Variants in DIPK1A observed in about 807,000 individuals in gnomAD.
DIPK1A encodes the protein divergent protein kinase domain 1A.
Under a neutral mutation model 40.8 loss-of-function variants are expected in DIPK1A, and 27 were observed. The ratio of observed to expected loss-of-function variants is 0.66; its 90% confidence interval spans 0.49 to 0.91. DIPK1A has a LOEUF of 0.91. Among genes scored for constraint, DIPK1A ranks in the 40% least tolerant of loss-of-function variants. The pLI is 0.00. For synonymous variants in DIPK1A, 166 were observed against 171.3 expected (o/e 0.97, Z 0.24); for missense variants, 412 against 505.7 (o/e 0.81, Z 1.78).
downstream of DIPK1A, among the ~76,000 whole-genome samples, chr1:92,838,369 C>G (rs978307299): frequency 2.6e-5 from 4 of 152,138 alleles, no homozygotes; most frequent in Non-Finnish European, 4.4e-5. Context: ...TGACTTCATC[C>G]TGGTAAAGAG....
chr1:92,903,622 C>A (rs1260060679), intron 1 of DIPK1A, among the ~76,000 whole-genome samples: 2 of 152,132 alleles, frequency 1.3e-5, no homozygotes, highest in African/African-American at 4.8e-5. Context: ...AAATGTATGT[C>A]AAAGTGATTA....
intron 1 of DIPK1A, among the ~76,000 whole-genome samples, chr1:92,917,936 C>T (rs781080254): frequency 6.6e-5 from 10 of 151,980 alleles, no homozygotes; most frequent in Non-Finnish European, 1.0e-4. Flanking sequence ...AAACAATAAA[C>T]AATCTGTTTT....
chr1:92,898,614 A>G (rs1266855711), intron 1 of DIPK1A, among the ~76,000 whole-genome samples: 1 of 152,186 alleles, frequency 6.6e-6, no homozygotes, highest in African/African-American at 2.4e-5. Flanking sequence ...AGCTGGGACT[A>G]TAGGTGTGAA....
chr1:92,848,459 G>C (rs1340870400), intron 3 of DIPK1A, among the ~76,000 whole-genome samples: 1 of 152,132 alleles, frequency 6.6e-6, no homozygotes, highest in Non-Finnish European at 1.5e-5. Context: ...TTCCTGACCT[G>C]CTTCACTTGC....
chr1:92,881,065 C>T (rs1359135978), intron 1 of DIPK1A, among the ~76,000 whole-genome samples: 6 of 122,742 alleles, frequency 4.9e-5, no homozygotes, highest in Middle Eastern at 0.014. Flanking sequence ...CACAGCTACT[C>T]GGGAGGCTGA....
intron 1 of DIPK1A, among the ~76,000 whole-genome samples, chr1:92,924,533 CA>C (rs1650409417): frequency 6.6e-6 from 1 of 152,092 alleles, no homozygotes; most frequent in Non-Finnish European, 1.5e-5. Context: ...AAGAAGGAGT[CA>C]GGGGGCACCT....
chr1:92,939,451 A>G (rs1456526801), intron 1 of DIPK1A, among the ~76,000 whole-genome samples: 1 of 152,200 alleles, frequency 6.6e-6, no homozygotes, highest in Non-Finnish European at 1.5e-5. Context: ...TAGAGCAGTC[A>G]GCAGTATTTT....
intron 1 of DIPK1A, among the ~76,000 whole-genome samples, chr1:92,905,404 T>C (rs950832748): frequency 3.9e-5 from 6 of 152,166 alleles, no homozygotes; most frequent in African/African-American, 1.4e-4. Flanking sequence ...CCTTTTCATA[T>C]ACCTGATTGC....
intron 1 of DIPK1A, among the ~76,000 whole-genome samples, chr1:92,924,942 T>C (rs974563775): frequency 5.9e-5 from 9 of 152,214 alleles, no homozygotes; most frequent in Non-Finnish European, 1.2e-4. Flanking sequence ...TTAGCTGAAG[T>C]CATGTTGTAG....
intron 2 of DIPK1A, among the ~76,000 whole-genome samples, chr1:92,855,353 C>T (rs1468317969): frequency 6.6e-6 from 1 of 151,840 alleles, no homozygotes; most frequent in East Asian, 1.9e-4. Flanking sequence ...TAAATAATCG[C>T]TCAACTAAAG....
At chr1:92,851,697 G>GA (rs1261452155) in intron 2 of DIPK1A, among the ~76,000 whole-genome samples, 1 of 152,018 alleles carries the variant, frequency 6.6e-6, no homozygotes, top group Non-Finnish European at 1.5e-5. Context: ...TGGTACCAAT[G>GA]AAACCCTAGG....
In DIPK1A at chr1:92,844,586, A is replaced by G. The variant is rs559431187; in HGVS notation, c.475-391T>C. ...TTACATCAAAGTTACAATAAGGGTC[A>G]ACTAAAAATTATTTTCCTTTTTTTA... On this transcript the variant is annotated intron_variant, in intron 4 of 4. Transcript: ENST00000370310. Among the ~76,000 whole-genome samples the G allele has an allele frequency of 4.6e-5, 7 of 152,316 alleles. No homozygotes were observed. In the East Asian group the frequency reaches 9.6e-4, roughly 21 times the overall value.
rs1687422458 is a variant in DIPK1A, at chr1:92,842,646, A to C, written c.*737T>G. On this transcript the variant is annotated 3_prime_UTR_variant, in exon 5 of 5. Coordinates refer to ENST00000370310, the MANE Select transcript of DIPK1A (RefSeq NM_001006605.5). The stretch of plus-strand genomic sequence containing the variant: ...CTTTCACATAGTTCAAAATCAGGAT[A>C]TGTGGATCTTGATTGGGCCTTAAGA... 5.1e-6 allele frequency: 5 copies of C among 985,172 alleles called. No homozygotes were observed. In the African/African-American group the frequency reaches 7.0e-5, roughly 14 times the overall value. The allele number at this position is 985,172 out of a possible 1,614,324, so 61.0% of individuals were successfully genotyped here.
intron 1 of DIPK1A, among the ~76,000 whole-genome samples, chr1:92,918,788 T>C (rs992089848): frequency 6.6e-6 from 1 of 151,996 alleles, no homozygotes; most frequent in Non-Finnish European, 1.5e-5. Context: ...GGAGTGCGGG[T>C]GAGGTGGGGA....
chr1:92,933,257 A>T (rs963904423), intron 1 of DIPK1A: 5 of 152,220 alleles, frequency 3.3e-5, no homozygotes, highest in Non-Finnish European at 1.5e-5. Flanking sequence ...AAAAATCAAC[A>T]GAACTAAAAC....
chr1:92,862,953 C>T (rs552554778), intron 2 of DIPK1A, among the ~76,000 whole-genome samples: 11 of 152,244 alleles, frequency 7.2e-5, no homozygotes, highest in Admixed American at 1.3e-4. Context: ...ATTAGGGTTG[C>T]CGAGCAAAAT....
chr1:92,835,890 G>GT (rs1687104654), intron 4 of DIPK1A, among the ~76,000 whole-genome samples: 2 of 152,172 alleles, frequency 1.3e-5, no homozygotes, highest in Non-Finnish European at 2.9e-5. Flanking sequence ...AGGGAACATT[G>GT]TAAGTATAAG....
At chr1:92,885,314 A>C (rs1247488098) in intron 1 of DIPK1A, among the ~76,000 whole-genome samples, 1 of 152,198 alleles carries the variant, frequency 6.6e-6, no homozygotes, top group East Asian at 1.9e-4. Context: ...CAGGAGTCCC[A>C]GAACAGAACA....
chr1:92,872,917 C>T (rs529186247), intron 2 of DIPK1A, among the ~76,000 whole-genome samples: 7 of 152,278 alleles, frequency 4.6e-5, no homozygotes, highest in East Asian at 1.9e-4. Context: ...TGCAGAGCCC[C>T]GGGAATTGGC....
Sources: gnomAD v4.1 joint callset for allele counts (sites outside exome capture counted in the v4.1 genomes callset) on GRCh38, gnomAD v4.1.1 for gene constraint, MANE v1.5 for transcripts, NCBI Gene and HGNC (gene_info 2026-07-23, HGNC 2026-07-21) for gene names.